TFAP2A: variants seen among roughly 807,000 people sequenced by gnomAD.
TFAP2A encodes the protein transcription factor AP-2 alpha.
TFAP2A carries 7 observed loss-of-function variants against 41.5 expected under a neutral mutation model. The ratio of observed to expected loss-of-function variants is 0.17; its 90% CI spans 0.10 to 0.32. TFAP2A has a LOEUF of 0.32. TFAP2A is among the 10% of genes least tolerant of loss of function. The pLI, the probability that TFAP2A is intolerant of heterozygous loss-of-function variation, is 1.00. For synonymous variants in TFAP2A, 247 were observed against 242.8 expected (o/e 1.02, Z -0.16); for missense variants, 416 against 563.3 (o/e 0.74, Z 2.65).
rs1472670698 is a variant in TFAP2A, at chr6:10,414,969, G to A, written c.23C>T (p.Thr8Met). MKMLWKL[T>M]DNIKYEDCED... ...GCAGTCCTCGTACTTGATATTATCC[G>A]TCAATTTCCAAAGCATTTTCATGGA... The change falls in exon 1 of 7, where the codon ACG becomes ATG. Residue 8 changes from threonine to methionine, a missense_variant. Physicochemically the swap from Thr to Met is moderately conservative, Grantham distance 81. Around this residue, in one of 3 missense-constraint regions of TFAP2A, gnomAD observed 241 missense variants for 274.1 expected, o/e 0.88. Coordinates refer to ENST00000379613, the MANE Select transcript of TFAP2A (RefSeq NM_001372066.1). The A allele has an allele frequency of 1.3e-5, 21 of 1,614,102 alleles. No homozygotes were observed. The highest frequency in any genetic ancestry group is 1.7e-5 in the Non-Finnish European group (20 of 1,180,018).
At chr6:10,414,582 C>G in intron 1 of TFAP2A, 1 of 455,234 alleles carries the variant, frequency 2.2e-6, no homozygotes, top group Non-Finnish European at 4.0e-6. Context: ...GACTTGGGCC[C>G]TCAATCTCGA....
chr6:10,417,231 C>G (rs1758278472), upstream of TFAP2A: 2 of 152,474 alleles, frequency 1.3e-5, no homozygotes, highest in African/African-American at 4.8e-5. Context: ...AGGCCGCCCT[C>G]CATCCTCTGC....
intron 1 of TFAP2A, among the ~76,000 whole-genome samples, chr6:10,414,396 G>T (rs1217400250): frequency 6.6e-6 from 1 of 152,162 alleles, no homozygotes; most frequent in Non-Finnish European, 1.5e-5. Flanking sequence ...AGCTCACAGC[G>T]AAGTGTGGGG....
chr6:10,402,394 G>T, intron 5 of TFAP2A, 98 bp downstream of exon 5: 1 of 919,630 alleles, frequency 1.1e-6, no homozygotes, highest in Non-Finnish European at 1.8e-6. Flanking sequence ...AGATGAAACT[G>T]CCCAACTGAC....
At chr6:10,401,299 TC>T (rs1174104635) in intron 5 of TFAP2A, among the ~76,000 whole-genome samples, 1 of 152,222 alleles carries the variant, frequency 6.6e-6, no homozygotes, top group Non-Finnish European at 1.5e-5. Context: ...CCAGACGAAC[TC>T]CACGCTATAC....
upstream of TFAP2A, among the ~76,000 whole-genome samples, chr6:10,418,842 G>T (rs1398150172): frequency 1.3e-5 from 2 of 152,142 alleles, no homozygotes; most frequent in Non-Finnish European, 2.9e-5. Context: ...GGCAAACTTT[G>T]TATCTCCTAC....
chr6:10,412,291 G>A (rs1367263702), intron 1 of TFAP2A: 2 of 986,748 alleles, frequency 2.0e-6, no homozygotes, highest in Non-Finnish European at 2.4e-6. Flanking sequence ...AAAGGTTGCA[G>A]GGCATGCAAA....
rs553866245 is a variant in TFAP2A, at chr6:10,409,843, C to T, written c.486+58G>A. ...CGACTGTATGTTCCAGGTATCCTTT[C>T]TGGGGTAGGTAAGTAGGGGGCTGTG... On this transcript the variant is annotated intron_variant, in intron 2 of 6. Coordinates refer to ENST00000379613, the MANE Select transcript of TFAP2A (RefSeq NM_001372066.1). 11 of 1,533,992 alleles carry T rather than the reference C, an allele frequency of 7.2e-6. No individual in the cohort carries two copies. The East Asian group carries it at 2.7e-4, about 38-fold the overall frequency.
At chr6:10,413,866 G>A (rs72819708) in intron 1 of TFAP2A, among the ~76,000 whole-genome samples, 93 of 144,264 alleles carry the variant, frequency 6.4e-4, no homozygotes, top group East Asian at 8.1e-4. Flanking sequence ...TGCCAAAAAA[G>A]AAAAAAAAAA....
chr6:10,400,093 T>C (rs1761951819), intron 6 of TFAP2A, among the ~76,000 whole-genome samples: 1 of 152,114 alleles, frequency 6.6e-6, no homozygotes, highest in Non-Finnish European at 1.5e-5. Flanking sequence ...CAAAAACTGA[T>C]ATAGGTAAGC....
At chr6:10,412,737 C>A in intron 1 of TFAP2A, 1 of 287,828 alleles carries the variant, frequency 3.5e-6, no homozygotes, top group Non-Finnish European at 7.1e-6. Context: ...GCAGCCGAGT[C>A]TGGGACTCGG....
upstream of TFAP2A, among the ~76,000 whole-genome samples, chr6:10,419,173 C>G (rs1201595188): frequency 1.3e-5 from 2 of 152,182 alleles, no homozygotes; most frequent in Non-Finnish European, 2.9e-5. Context: ...GGAGCGTGCG[C>G]CGGACTTCCC....
Position 10,404,750 on chromosome 6 carries a change from A to C in TFAP2A, c.539-11T>G. 6.2e-7 allele frequency: 1 copy of C among 1,612,200 alleles called. No individual in the cohort carries two copies. Among genetic ancestry groups the C allele is most frequent in the Non-Finnish European group, 8.5e-7 (1 of 1,178,238 alleles). ...ACAGGGACACGGGGCCTGCGGAGAC[A>C]GAGGGGAGGCCGCGTGTTGGGCGTC... is the stretch of plus-strand genomic sequence containing the variant. On this transcript the variant is annotated splice_polypyrimidine_tract_variant and intron_variant, in intron 3 of 6. Coordinates refer to ENST00000379613, the MANE Select transcript of TFAP2A (RefSeq NM_001372066.1).
Position 10,398,119 on chromosome 6 carries a change from T to A in TFAP2A, c.*298A>T. 7.7e-7 allele frequency: 1 copy of A among 1,298,560 alleles called. No homozygotes were observed. Among genetic ancestry groups the A allele is most frequent in the Non-Finnish European group, 9.8e-7 (1 of 1,024,440 alleles). 80.4% of individuals were successfully genotyped at this position (1,298,560 alleles called of 1,614,324 possible). ...GGGTTCACAAACTTGGCAGAACTTTTCTCTGCTGGCTTCACGGCCTGTTCT... is the reference window on the plus strand; with the variant it reads ...GGGTTCACAAACTTGGCAGAACTTTACTCTGCTGGCTTCACGGCCTGTTCT... On this transcript the variant is annotated 3_prime_UTR_variant, in exon 7 of 7. Transcript: ENST00000379613. This position sits in a 1 kb window ranked among gnomAD's most constrained non-coding sequence, Gnocchi z 5.3.
At chr6:10,419,452 G>A, upstream of TFAP2A, 1 of 1,614,030 alleles carries the variant, frequency 6.2e-7, no homozygotes, top group Non-Finnish European at 8.5e-7. Flanking sequence ...TATGGACATC[G>A]CGGCTCTGCG....
chr6:10,398,516 G>C lies in TFAP2A; in HGVS notation c.1221C>G (p.Ala407=). The C allele has an allele frequency of 6.2e-7, 1 of 1,614,236 alleles. No individual in the cohort carries two copies. The highest frequency in any genetic ancestry group is 8.5e-7 in the Non-Finnish European group (1 of 1,180,038). ...VTALQNYLTE[A]LKAMDKMYLS... ...GGTACATTTTGTCCATGGCCTTGAG[G>C]GCCTCGGTGAGATAGTTCTGCAGGG... is the stretch of plus-strand genomic sequence containing the variant. The change falls in exon 7 of 7, where the codon GCC becomes GCG. Residue 407 remains alanine, a synonymous_variant. Coordinates refer to ENST00000379613, the MANE Select transcript of TFAP2A (RefSeq NM_001372066.1). This position sits in a 1 kb window ranked among gnomAD's most constrained non-coding sequence, Gnocchi z 5.3.
In TFAP2A at chr6:10,398,725, G is replaced by C; in HGVS notation, c.1032-20C>G. ...ATCTGTCTGCAGCACAAGTGGAGCA[G>C]AGAGAGAGACATAAGGCTCCACTAT... On this transcript the variant is annotated intron_variant, in intron 6 of 6. Coordinates refer to ENST00000379613, the MANE Select transcript of TFAP2A (RefSeq NM_001372066.1). The surrounding 1 kb of genome is among the most constrained non-coding windows in gnomAD (Gnocchi z 5.3). 1 of 1,610,638 alleles carries C rather than the reference G, an allele frequency of 6.2e-7. No homozygotes were observed. Among genetic ancestry groups the C allele is most frequent in the Non-Finnish European group, 8.5e-7 (1 of 1,177,644 alleles).
chr6:10,412,186 C>T (rs1396290292), intron 1 of TFAP2A: 3 of 986,176 alleles, frequency 3.0e-6, no homozygotes, highest in Non-Finnish European at 3.6e-6. Context: ...AGAGGGAGCG[C>T]GAGAGACAAA....
chr6:10,405,266 C>G (rs1468835216), intron 3 of TFAP2A: 1 of 153,352 alleles, frequency 6.5e-6, no homozygotes, highest in Non-Finnish European at 1.5e-5. Context: ...ACCCTGTAAA[C>G]GAGCGTTTTA....
Sources: allele counts gnomAD v4.1 joint callset (sites outside exome capture counted in the v4.1 genomes callset), GRCh38; gene constraint gnomAD v4.1.1; regional missense constraint gnomAD v4.1.1; non-coding constraint Gnocchi (gnomAD v3.1); transcripts MANE v1.5; gene names NCBI Gene and HGNC (gene_info 2026-07-23, HGNC 2026-07-21).